Variants in CPSF2 observed in about 807,000 individuals in gnomAD.
The protein encoded by CPSF2 is cleavage and polyadenylation specific factor 2.
A neutral mutation model predicts 84.2 loss-of-function variants in CPSF2; 51 were observed. That is an observed-to-expected ratio of 0.61 (90% CI 0.48 to 0.77). The LOEUF is 0.77. CPSF2 is among the 30% of genes least tolerant of loss of function. The pLI is 0.00. For synonymous variants in CPSF2, 286 were observed against 311.9 expected (o/e 0.92, Z 0.87); for missense variants, 641 against 929.4 (o/e 0.69, Z 4.03).
chr14:92,148,208 T>A (rs1468712578), intron 9 of CPSF2, among the ~76,000 whole-genome samples: 1 of 152,214 alleles, frequency 6.6e-6, no homozygotes, highest in Non-Finnish European at 1.5e-5. Context: ...ACAGGAAAGT[T>A]ACAAAAATAT....
rs569795020 is a variant in CPSF2 at position 92,172,033 on chromosome 14, C to T, written c.*10289C>T. The stretch of plus-strand genomic sequence containing the variant: ...CCATGACAGCACCTGCCAGTTGAAC[C>T]CCACAGTGGGAATTTTAAAGAAGGC... On this transcript the variant is annotated 3_prime_UTR_variant, in exon 16 of 16. Transcript: ENST00000298875. The T allele has an allele frequency of 8.5e-5, 13 of 152,296 alleles. No individual in the cohort carries two copies. Among genetic ancestry groups the T allele is most frequent in the African/African-American group, 2.9e-4 (12 of 41,548 alleles). 9.4% of individuals were successfully genotyped at this position (152,296 alleles called of 1,614,324 possible). A position where few individuals can be genotyped will look rare whatever the true frequency, so the allele number is the denominator to read the frequency against.
At chr14:92,125,921 A>G (rs2068840603) in intron 1 of CPSF2, among the ~76,000 whole-genome samples, 1 of 151,914 alleles carries the variant, frequency 6.6e-6, no homozygotes, top group Non-Finnish European at 1.5e-5. Context: ...CTTCCTAAAT[A>G]TTTTTATGTC....
chr14:92,156,424 G>A, intron 11 of CPSF2, 55 bp from the exon 12 acceptor site: 3 of 1,469,596 alleles, frequency 2.0e-6, no homozygotes, highest in Admixed American at 4.1e-5. Context: ...AGTCATATAT[G>A]TTATGTAGTA....
chr14:92,139,999 G>C (rs1162955588), intron 7 of CPSF2, among the ~76,000 whole-genome samples: 5 of 135,634 alleles, frequency 3.7e-5, no homozygotes, highest in Non-Finnish European at 7.7e-5. Context: ...CTGTCGCCAG[G>C]CTGGAGTGTA....
At position 92,161,213 on chromosome 14, in the gene CPSF2, A is replaced by T; in HGVS notation, c.2223A>T (p.Val741=). The stretch of plus-strand genomic sequence containing the variant: ...TTCAAGCTGAATTTGTAGGAGGTGT[A>T]CTTGTTTGCAACAATCAAGTAGCAG... ...EGIQAEFVGG[V]LVCNNQVAVR... The change falls in exon 15 of 16, where the codon GTA becomes GTT. Residue 741 remains valine, a synonymous_variant. Coordinates refer to ENST00000298875, the MANE Select transcript of CPSF2 (RefSeq NM_017437.3). The T allele has an allele frequency of 1.2e-6, 2 of 1,613,086 alleles. No individual in the cohort carries two copies. Among genetic ancestry groups the T allele is most frequent in the African/African-American group, 2.7e-5 (2 of 74,992 alleles).
rs536671093 is a variant in CPSF2 at position 92,166,146 on chromosome 14, G to C, written c.*4402G>C. On this transcript the variant is annotated 3_prime_UTR_variant, in exon 16 of 16. Coordinates refer to ENST00000298875, the MANE Select transcript of CPSF2 (RefSeq NM_017437.3). The stretch of plus-strand genomic sequence containing the variant: ...AAAAGTGCTGAGATTACAGGTGTGA[G>C]CCACCTTGCCTGGCCTTGGTTTTAT... The C allele has an allele frequency of 1.9e-4, 29 of 152,108 alleles. No individual in the cohort carries two copies. Among genetic ancestry groups the C allele is most frequent in the African/African-American group, 6.7e-4 (28 of 41,498 alleles). 9.4% of individuals were successfully genotyped at this position (152,108 alleles called of 1,614,324 possible).
chr14:92,125,006 G>T (rs1428326555), intron 1 of CPSF2, among the ~76,000 whole-genome samples: 1 of 152,108 alleles, frequency 6.6e-6, no homozygotes, highest in East Asian at 1.9e-4. Context: ...GTGATGTCAG[G>T]GTGGCTTCCT....
At position 92,161,619 on chromosome 14, in the gene CPSF2, T is replaced by C. The variant is rs368381406; in HGVS notation, c.2257-33T>C. On this transcript the variant is annotated intron_variant, in intron 15 of 15. Transcript: ENST00000298875. ...TGTCTGCATATTAATGAATAGAAAA[T>C]GTACTAAAGAATTTTTTTTATTTGG... 1.6e-5 allele frequency: 23 copies of C among 1,448,388 alleles called. 1 individual carries two copies. The African/African-American group carries it at 3.0e-4, about 19-fold the overall frequency. The allele number at this position is 1,448,388 out of a possible 1,614,324, so 89.7% of individuals were successfully genotyped here.
intron 3 of CPSF2, among the ~76,000 whole-genome samples, chr14:92,131,778 G>A (rs1412015024): frequency 6.6e-6 from 1 of 151,794 alleles, no homozygotes; most frequent in Middle Eastern, 3.4e-3. Context: ...GGCAGAGATT[G>A]CACTGAGCCG....
At chr14:92,131,816 G>A (rs1335724097) in intron 3 of CPSF2, among the ~76,000 whole-genome samples, 3 of 151,690 alleles carry the variant, frequency 2.0e-5, no homozygotes, top group Non-Finnish European at 2.9e-5. Flanking sequence ...TCCAGCCTGG[G>A]CGCAAAGCAA....
intron 9 of CPSF2, among the ~76,000 whole-genome samples, chr14:92,152,213 T>C (rs1460115388): frequency 6.6e-6 from 1 of 152,058 alleles, no homozygotes; most frequent in Non-Finnish European, 1.5e-5. Context: ...CACTGCAACC[T>C]CCGCCTCCCA....
rs2069306249 is a variant in CPSF2, at chr14:92,157,550, AAC to A, written c.1596-107_1596-106del. 1 of 681,420 alleles carries A rather than the reference AAC, an allele frequency of 1.5e-6. No homozygotes were observed. 42.2% of individuals were successfully genotyped at this position (681,420 alleles called of 1,614,324 possible). On this transcript the variant is annotated intron_variant, in intron 12 of 15. Coordinates refer to ENST00000298875, the MANE Select transcript of CPSF2 (RefSeq NM_017437.3). This position sits in a 1 kb window ranked among gnomAD's most constrained non-coding sequence, Gnocchi z 4.0. The stretch of plus-strand genomic sequence containing the variant: ...ATAAAATAAATCATACAGATACTAT[AAC>A]ATGTGTATTTCTCAAATCCTAGTGT...
At position 92,156,602 on chromosome 14, in the gene CPSF2, T is replaced by C. The variant is rs1567025736; in HGVS notation, c.1566T>C (p.Cys522=). 1 of 1,604,988 alleles carries C rather than the reference T, an allele frequency of 6.2e-7. No homozygotes were observed. The highest frequency in any genetic ancestry group is 1.3e-5 in the African/African-American group (1 of 74,782). ...DQDLSDVPTK[C]ISTTESIEIK... Reference sequence around the variant, plus strand: ...ATTTATCTGATGTTCCTACTAAATGTATTTCTACAACAGAGTCTATTGAAA... The same window carrying C: ...ATTTATCTGATGTTCCTACTAAATGCATTTCTACAACAGAGTCTATTGAAA... Residue 522 remains cysteine, a synonymous_variant, in exon 12 of 16, where the codon TGT becomes TGC. Coordinates refer to ENST00000298875, the MANE Select transcript of CPSF2 (RefSeq NM_017437.3).
At position 92,135,393 on chromosome 14, in the gene CPSF2, C is replaced by T; in HGVS notation, c.442C>T (p.Pro148Ser). 6.2e-7 allele frequency: 1 copy of T among 1,613,214 alleles called. No homozygotes were observed. Among genetic ancestry groups the T allele is most frequent in the Non-Finnish European group, 8.5e-7 (1 of 1,179,570 alleles). ...KGKGHGLSIT[P>S]LPAGHMIGGT... ...TAAAGGACATGGCCTGTCTATCACACCTCTGCCAGCTGGTCATATGATAGG... is the reference window on the plus strand; with the variant it reads ...TAAAGGACATGGCCTGTCTATCACATCTCTGCCAGCTGGTCATATGATAGG... Residue 148 changes from proline to serine, a missense_variant, in exon 6 of 16, where the codon CCT (proline) becomes TCT (serine). Physicochemically the swap from Pro to Ser is moderately conservative, Grantham distance 74. Around this residue, in one of 2 missense-constraint regions of CPSF2, gnomAD observed 211 missense variants for 375.7 expected, o/e 0.56. Coordinates refer to ENST00000298875, the MANE Select transcript of CPSF2 (RefSeq NM_017437.3).
intron 7 of CPSF2, among the ~76,000 whole-genome samples, chr14:92,141,790 GT>G (rs1265951971): frequency 6.6e-6 from 1 of 152,172 alleles, no homozygotes; most frequent in Non-Finnish European, 1.5e-5. Context: ...GTTCACTGGG[GT>G]GGATAGGCGA....
At chr14:92,149,776 C>T (rs2069188366) in intron 9 of CPSF2, among the ~76,000 whole-genome samples, 2 of 152,060 alleles carry the variant, frequency 1.3e-5, no homozygotes. Context: ...CTGCTTCAGC[C>T]TCCTGAGTAG....
At chr14:92,156,975 T>A (rs2069298800) in intron 12 of CPSF2, among the ~76,000 whole-genome samples, 1 of 152,206 alleles carries the variant, frequency 6.6e-6, no homozygotes, top group Non-Finnish European at 1.5e-5. Context: ...TTTTTCTGAG[T>A]AACTGCTTGT....
At chr14:92,124,468 G>T (rs2068820617) in intron 1 of CPSF2, among the ~76,000 whole-genome samples, 2 of 152,178 alleles carry the variant, frequency 1.3e-5, no homozygotes, top group African/African-American at 2.4e-5. Context: ...TAAGTTAATG[G>T]TAAGAAGGTG....
At chr14:92,148,540 A>G (rs74074435) in intron 9 of CPSF2, among the ~76,000 whole-genome samples, 3,316 of 152,078 alleles carry the variant, frequency 0.022, 128 homozygotes, top group African/African-American at 0.077. Context: ...GTTCGCATCC[A>G]TGACTACATA....
Sources: allele counts gnomAD v4.1 joint callset (sites outside exome capture counted in the v4.1 genomes callset), GRCh38; gene constraint gnomAD v4.1.1; regional missense constraint gnomAD v4.1.1; non-coding constraint Gnocchi (gnomAD v3.1); transcripts MANE v1.5; gene names NCBI Gene and HGNC (gene_info 2026-07-23, HGNC 2026-07-21).